Variants in ZNF500 observed in about 807,000 individuals in gnomAD.
ZNF500 encodes the protein zinc finger protein with KRAB and SCAN domains 18.
In ZNF500, 31 loss-of-function variants were observed where a neutral mutation model predicts 30.1. The observed-to-expected ratio is 1.03, with a 90% confidence interval of 0.77 to 1.39. ZNF500 has a LOEUF of 1.39. Among genes scored for constraint, ZNF500 ranks in the 40% most tolerant of loss-of-function variants. ZNF500 has a pLI of 0.00. For missense variants in ZNF500, 817 were observed against 657.8 expected (o/e 1.24, Z -2.65); for synonymous variants, 392 against 282.0 (o/e 1.39, Z -3.91).
intron 5 of ZNF500, among the ~76,000 whole-genome samples, chr16:4,759,530 A>G (rs1172312538): frequency 1.3e-5 from 2 of 152,184 alleles, no homozygotes; most frequent in Non-Finnish European, 2.9e-5. Flanking sequence ...CAAAGAAGGA[A>G]GTCTGCCTCA....
At position 4,752,705 on chromosome 16, in the gene ZNF500, G is replaced by C. The variant is rs747120961; in HGVS notation, c.1114C>G (p.Gln372Glu). The change falls in exon 6 of 6, where the codon CAG becomes GAG. Residue 372 changes from glutamine to glutamate, a missense_variant. By Grantham distance (29) the Gln-to-Glu change is conservative. Transcript: ENST00000219478. Reference sequence around the variant, plus strand: ...GGCTTCTCGCCTGTGTGCACCCTCTGGTGCGTGCTGAAGTTGGAGCGGTCG... The same window carrying C: ...GGCTTCTCGCCTGTGTGCACCCTCTCGTGCGTGCTGAAGTTGGAGCGGTCG... ...FSDRSNFSTH[Q>E]RVHTGEKPYP... is the part of the protein sequence containing the mutation. 2.5e-6 allele frequency: 4 copies of C among 1,614,076 alleles called. No individual in the cohort carries two copies. The African/African-American group carries it at 5.3e-5, about 22-fold the overall frequency.
Position 4,751,598 on chromosome 16 carries a change from G to A in ZNF500, c.*778C>T, listed in dbSNP as rs1304599823. 8 of 1,535,060 alleles carry A rather than the reference G, an allele frequency of 5.2e-6. No homozygotes were observed. Among genetic ancestry groups the A allele is most frequent in the South Asian group, 2.4e-5 (2 of 84,048 alleles). ...CCTGGGAAGGCTGGGGTACAGCAGG[G>A]CTCCCTGCAGCAGACGAGGGGTCCC... is the stretch of plus-strand genomic sequence containing the variant. On this transcript the variant is annotated 3_prime_UTR_variant, in exon 6 of 6. Transcript: ENST00000219478.
chr16:4,746,951 TGAGGAG>T, downstream of ZNF500: 5 of 1,553,460 alleles, frequency 3.2e-6, no homozygotes, highest in Admixed American at 2.1e-5. Context: ...CCTCTGACAG[TGAGGAG>T]GAGGAGGAGG....
chr16:4,747,654 G>T (rs1190018906), downstream of ZNF500: 5 of 1,573,896 alleles, frequency 3.2e-6, no homozygotes, highest in East Asian at 2.3e-5. Flanking sequence ...TCCCAGGAGT[G>T]GGCAGGGGCG....
intron 5 of ZNF500, among the ~76,000 whole-genome samples, chr16:4,759,047 A>G (rs940454503): frequency 2.6e-5 from 4 of 151,432 alleles, no homozygotes; most frequent in African/African-American, 4.9e-5. Flanking sequence ...CAGCTCTACT[A>G]AAAATAGAAA....
chr16:4,763,375 G>A (rs2082228715), intron 2 of ZNF500, among the ~76,000 whole-genome samples: 1 of 150,970 alleles, frequency 6.6e-6, no homozygotes. Flanking sequence ...CTCCAGCCTG[G>A]GCAAAAGAGC....
In ZNF500 at chr16:4,765,847, G is replaced by T; in HGVS notation, c.132C>A (p.Pro44=). ...AGAGCTGGCGGAAAGTCTCAGGGCT[G>T]GGGTCCTCCGTCTCCACGGAGGGCT... The part of the protein sequence containing the change: ...EEEPSVETED[P]SPETFRQLFR... The change falls in exon 2 of 6, where the codon CCC becomes CCA. Residue 44 remains proline, a synonymous_variant. Coordinates refer to ENST00000219478, the MANE Select transcript of ZNF500 (RefSeq NM_021646.4). The T allele has an allele frequency of 6.2e-7, 1 of 1,613,738 alleles. No homozygotes were observed. The highest frequency in any genetic ancestry group is 1.1e-5 in the South Asian group (1 of 91,082).
chr16:4,763,311 A>G, intron 2 of ZNF500: 1 of 267,936 alleles, frequency 3.7e-6, no homozygotes, highest in Non-Finnish European at 5.7e-6. Flanking sequence ...AGGCAGGAGA[A>G]TCGCTTGAAC....
In ZNF500 at chr16:4,751,106, A is replaced by C. The variant is rs138389106; in HGVS notation, c.*1270T>G. ...CCAAGGCCACCTACCTATGAGGAAC[A>C]ACCACTGCCTGGCTGGAACGTTCCA... On this transcript the variant is annotated 3_prime_UTR_variant, in exon 6 of 6. Coordinates refer to ENST00000219478, the MANE Select transcript of ZNF500 (RefSeq NM_021646.4). 258 of 157,032 alleles carry C rather than the reference A, an allele frequency of 1.6e-3. 1 individual carries two copies. The highest frequency in any genetic ancestry group is 6.0e-3 in the African/African-American group (248 of 41,586). The allele number at this position is 157,032 out of a possible 1,614,324, so 9.7% of individuals were successfully genotyped here. A position where few individuals can be genotyped will look rare whatever the true frequency, so the allele number is the denominator to read the frequency against.
intron 2 of ZNF500, chr16:4,764,137 G>A (rs531560593): frequency 1.0e-6 from 1 of 977,418 alleles, no homozygotes; most frequent in East Asian, 1.1e-4. Flanking sequence ...GTGTCAGAAG[G>A]GTCCTGTCTG....
intron 2 of ZNF500, chr16:4,763,502 C>T (rs1331506151): frequency 2.1e-6 from 2 of 970,078 alleles, no homozygotes; most frequent in Non-Finnish European, 2.5e-6. Context: ...GAAATTGGGT[C>T]TTAGAATTGA....
chr16:4,754,918 T>C (rs1596496946), intron 5 of ZNF500, among the ~76,000 whole-genome samples: 2 of 152,224 alleles, frequency 1.3e-5, no homozygotes, highest in Non-Finnish European at 2.9e-5. Context: ...GGTACTGTCC[T>C]GACAATGGTG....
At chr16:4,766,436 G>C (rs769692777) in intron 1 of ZNF500, among the ~76,000 whole-genome samples, 1 of 152,106 alleles carries the variant, frequency 6.6e-6, no homozygotes, top group Non-Finnish European at 1.5e-5. Flanking sequence ...CCTGGTCAAC[G>C]TGGTGGAACC....
chr16:4,759,043 T>C (rs1476681577), intron 5 of ZNF500, among the ~76,000 whole-genome samples: 2 of 151,376 alleles, frequency 1.3e-5, no homozygotes, highest in Admixed American at 1.3e-4. Flanking sequence ...AACCCAGCTC[T>C]ACTAAAAATA....
chr16:4,764,791 G>GAAAAAAAAAA (rs34386241), intron 2 of ZNF500, among the ~76,000 whole-genome samples: 1 of 131,950 alleles, frequency 7.6e-6, no homozygotes, highest in Non-Finnish European at 1.6e-5. Context: ...CAAAAAAAAA[G>GAAAAAAAAAA]AAAAAAAAAA....
chr16:4,760,623 A>T (rs989818446), intron 4 of ZNF500, 35 bp from the exon 5 acceptor site: 2 of 1,592,776 alleles, frequency 1.3e-6, no homozygotes, highest in Non-Finnish European at 1.7e-6. Flanking sequence ...CCTGGCCCCA[A>T]GCAAGCTGCC....
chr16:4,766,183 G>A, intron 1 of ZNF500, 107 bp from the exon 2 acceptor site: 1 of 489,176 alleles, frequency 2.0e-6, no homozygotes, highest in Non-Finnish European at 3.5e-6. Flanking sequence ...CCCCACCATG[G>A]AAAAGGAAAA....
downstream of ZNF500, among the ~76,000 whole-genome samples, chr16:4,745,619 G>A (rs58984733): frequency 7.5e-3 from 1,146 of 152,270 alleles, 14 homozygotes; most frequent in African/African-American, 0.026. Context: ...GACCAGCAGT[G>A]GGTTTCTGTG....
chr16:4,761,193 T>A (rs991120885), intron 4 of ZNF500, among the ~76,000 whole-genome samples: 2 of 151,856 alleles, frequency 1.3e-5, no homozygotes, highest in African/African-American at 4.8e-5. Flanking sequence ...TCCCAGCACA[T>A]TGGGAGGCCA....
Sources: gnomAD v4.1 joint callset for allele counts (sites outside exome capture counted in the v4.1 genomes callset) on GRCh38, gnomAD v4.1.1 for gene constraint, MANE v1.5 for transcripts, NCBI Gene and HGNC (gene_info 2026-07-23, HGNC 2026-07-21) for gene names.